The following TMEM232 variants were observed in gnomAD, a reference collection of about 807,000 sequenced individuals.
TMEM232 encodes the protein transmembrane protein 232.
TMEM232 carries 80 observed loss-of-function variants against 78.8 expected under a neutral mutation model. That is an observed-to-expected ratio of 1.01 (90% CI 0.85 to 1.22). TMEM232 has a LOEUF of 1.22. Among genes scored for constraint, TMEM232 ranks in the 50% most tolerant of loss-of-function variants. The pLI, the probability that TMEM232 is intolerant of heterozygous loss-of-function variation, is 0.00. For synonymous variants in TMEM232, 297 were observed against 254.3 expected, an observed-to-expected ratio of 1.17 and a Z score of -1.60; for missense variants, 881 against 742.2, an observed-to-expected ratio of 1.19 and a Z score of -2.17.
At chr5:110,628,999 C>T (rs369750176) in intron 5 of TMEM232, 5 of 151,870 alleles carry the variant, frequency 3.3e-5, no homozygotes, top group Admixed American at 2.6e-4. Context: ...TATAAACATA[C>T]ACCATTTGTA....
In TMEM232 at chr5:110,647,299, G is replaced by C. The variant is rs1206142478; in HGVS notation, c.126-4928C>G. Among the ~76,000 whole-genome samples, 3 of 151,886 alleles carry C rather than the reference G, an allele frequency of 2.0e-5. No homozygotes were observed. The East Asian group carries it at 5.8e-4, about 29-fold the overall frequency. ...TGTGCCAATCTTGTCAAGACTTACA[G>C]TGTTCATCAAAGAATGTCAGATGAC... On this transcript the variant is annotated intron_variant, in intron 2 of 13. Coordinates refer to ENST00000455884, the MANE Select transcript of TMEM232 (RefSeq NM_001039763.4).
chr5:110,621,238 T>TA (rs1257289265), intron 7 of TMEM232, among the ~76,000 whole-genome samples: 2 of 152,096 alleles, frequency 1.3e-5, no homozygotes, highest in Non-Finnish European at 2.9e-5. Flanking sequence ...TGAATTAATG[T>TA]AATGATGATG....
At chr5:110,523,279 T>A (rs1769822307) in intron 12 of TMEM232, among the ~76,000 whole-genome samples, 1 of 152,142 alleles carries the variant, frequency 6.6e-6, no homozygotes, top group Admixed American at 6.5e-5. Flanking sequence ...TTCATTTTCA[T>A]CTTCTCTCCC....
downstream of TMEM232, among the ~76,000 whole-genome samples, chr5:110,416,519 T>C (rs1178691248): frequency 4.6e-5 from 7 of 152,354 alleles, no homozygotes; most frequent in East Asian, 7.7e-4. Context: ...AAACTTAGTA[T>C]GTGAGCAGTT....
Position 110,550,617 on chromosome 5 carries a change from T to C in TMEM232, c.1455+17830A>G, listed in dbSNP as rs889628539. ...TGCATATATTTGTAAGCATATGATA[T>C]ATATTTTATAATAAAATAGATATAT... On this transcript the variant is annotated intron_variant, in intron 11 of 13. Transcript: ENST00000455884. Among the ~76,000 whole-genome samples, 10 of 151,922 alleles carry C rather than the reference T, an allele frequency of 6.6e-5. No homozygotes were observed. The East Asian group carries it at 1.7e-3, about 26-fold the overall frequency.
chr5:110,649,597 T>A (rs1580500922), intron 2 of TMEM232, among the ~76,000 whole-genome samples: 1 of 152,118 alleles, frequency 6.6e-6, no homozygotes, highest in East Asian at 1.9e-4. Flanking sequence ...TTTTCCCACA[T>A]CCTCACCAGA....
chr5:110,536,788 T>C (rs1376755104), intron 11 of TMEM232, among the ~76,000 whole-genome samples: 1 of 152,148 alleles, frequency 6.6e-6, no homozygotes, highest in Non-Finnish European at 1.5e-5. Flanking sequence ...TTGTAGATGG[T>C]CTGTGTGGGG....
intron 11 of TMEM232, among the ~76,000 whole-genome samples, chr5:110,552,285 TAATA>T: frequency 6.6e-6 from 1 of 152,080 alleles, no homozygotes; most frequent in Non-Finnish European, 1.5e-5. Flanking sequence ...TATTACTAAC[TAATA>T]GAGGAAAAAA....
chr5:110,618,296 C>T, intron 8 of TMEM232, 133 bp downstream of exon 8: 1 of 1,149,046 alleles, frequency 8.7e-7, no homozygotes, highest in Middle Eastern at 2.0e-4. Flanking sequence ...TTGCCATTGC[C>T]TTTGGAACTG....
At chr5:110,557,483 C>G (rs1454778300) in intron 11 of TMEM232, among the ~76,000 whole-genome samples, 4 of 152,104 alleles carry the variant, frequency 2.6e-5, no homozygotes, top group Non-Finnish European at 5.9e-5. Flanking sequence ...AACGAAATAC[C>G]TGAGCTGGAT....
At chr5:110,458,594 G>GA (rs1184652310) in intron 12 of TMEM232, among the ~76,000 whole-genome samples, 1 of 152,170 alleles carries the variant, frequency 6.6e-6, no homozygotes, top group Non-Finnish European at 1.5e-5. Context: ...TTTATTCCCT[G>GA]ATACCTCTCC....
intron 2 of TMEM232, among the ~76,000 whole-genome samples, chr5:110,662,640 A>T (rs1789955300): frequency 6.6e-6 from 1 of 152,150 alleles, no homozygotes; most frequent in African/African-American, 2.4e-5. Flanking sequence ...GAATTAGACA[A>T]ATGGGCCAGT....
At chr5:110,426,202 A>G (rs73218952) in intron 12 of TMEM232, among the ~76,000 whole-genome samples, 5,429 of 152,000 alleles carry the variant, frequency 0.036, 356 homozygotes, top group African/African-American at 0.13. Flanking sequence ...GCCCATTACC[A>G]TAGCTCTCAA....
intron 12 of TMEM232, among the ~76,000 whole-genome samples, chr5:110,515,621 C>T (rs1768499190): frequency 6.6e-6 from 1 of 152,160 alleles, no homozygotes; most frequent in African/African-American, 2.4e-5. Context: ...AAATGTAAAC[C>T]ATGTACTTCT....
At chr5:110,473,227 T>G (rs1044017729) in intron 12 of TMEM232, among the ~76,000 whole-genome samples, 2 of 151,598 alleles carry the variant, frequency 1.3e-5, no homozygotes, top group Non-Finnish European at 3.0e-5. Flanking sequence ...TACAAGAAAC[T>G]GAAACAACTC....
intron 2 of TMEM232, among the ~76,000 whole-genome samples, chr5:110,411,924 A>G (rs1271837233): frequency 2.0e-5 from 3 of 152,158 alleles, no homozygotes; most frequent in Admixed American, 2.0e-4. Flanking sequence ...TGAGTACTGT[A>G]ATATCTAAAT....
chr5:110,628,662 A>AGTGTGTGT (rs146531604), intron 5 of TMEM232, among the ~76,000 whole-genome samples: 4,289 of 140,774 alleles, frequency 0.03, 74 homozygotes, highest in East Asian at 0.048. Flanking sequence ...GTCAGTATCC[A>AGTGTGTGT]GTGTGTGTGT....
At chr5:110,689,965 C>G (rs1025915852) in intron 1 of TMEM232, among the ~76,000 whole-genome samples, 1 of 152,164 alleles carries the variant, frequency 6.6e-6, no homozygotes, top group Admixed American at 6.5e-5. Flanking sequence ...CCCTTCCTTA[C>G]ACCTTATACA....
At chr5:110,737,759 T>C (rs1799341287) in intron 1 of TMEM232, among the ~76,000 whole-genome samples, 1 of 152,198 alleles carries the variant, frequency 6.6e-6, no homozygotes, top group South Asian at 2.1e-4. Context: ...GTTTAAACCA[T>C]GTTAAAATGT....
Sources: allele counts gnomAD v4.1 joint callset (sites outside exome capture counted in the v4.1 genomes callset), GRCh38; gene constraint gnomAD v4.1.1; transcripts MANE v1.5; gene names NCBI Gene and HGNC (gene_info 2026-07-23, HGNC 2026-07-21).